Variants in PTHLH observed in about 807,000 individuals in gnomAD.
PTHLH encodes the protein parathyroid hormone like hormone, also known as parathyroid hormone-related protein.
Under a neutral mutation model 18.6 loss-of-function variants are expected in PTHLH, and 5 were observed. That is an observed-to-expected ratio of 0.27 (90% confidence interval 0.14 to 0.56). The LOEUF (loss-of-function observed/expected upper bound fraction) is 0.56. PTHLH is among the 20% of genes least tolerant of loss of function. The probability of loss-of-function intolerance (pLI) is 0.92; values close to 1 mark genes in which losing one functional copy is unlikely to be tolerated. For missense variants in PTHLH, 207 were observed against 223.9 expected, an observed-to-expected ratio of 0.92 and a Z score of 0.48; for synonymous variants, 90 against 94.0, an observed-to-expected ratio of 0.96 and a Z score of 0.25.
At position 27,972,711 on chromosome 12, in the gene PTHLH, T is replaced by C. The variant is rs1205342037; in HGVS notation, c.-547A>G. 1 of 152,218 alleles carries C rather than the reference T, an allele frequency of 6.6e-6. No homozygotes were observed. The highest frequency in any genetic ancestry group is 1.5e-5 in the Non-Finnish European group (1 of 68,030). The allele number at this position is 152,218 out of a possible 1,614,324, so 9.4% of individuals were successfully genotyped here. ...AGGCAATTATTAGAAAGCAGGTACC[T>C]CTTCCAAGCTGCCCTGTTTATTACT... On this transcript the variant is annotated 5_prime_UTR_variant, in exon 1 of 6. Transcript: ENST00000545234.
Position 27,969,506 on chromosome 12 carries a change from G to C in PTHLH, c.-12C>G. On this transcript the variant is annotated 5_prime_UTR_variant, in exon 4 of 6. Transcript: ENST00000545234. ...AGTCTCCGCTGCATCGTCTCCGCTC[G>C]CGCTCGGGACCTGCAACAGAAGGGA... The C allele has an allele frequency of 6.4e-7, 1 of 1,561,618 alleles. No homozygotes were observed. Among genetic ancestry groups the C allele is most frequent in the Non-Finnish European group, 8.7e-7 (1 of 1,155,380 alleles).
chr12:27,971,875 A>G (rs1162804860), intron 2 of PTHLH, 52 bp downstream of exon 2: 1 of 152,100 alleles, frequency 6.6e-6, no homozygotes, highest in Non-Finnish European at 1.5e-5. Flanking sequence ...TAAATGTTAG[A>G]CTTGTTTGGA....
chr12:27,963,290 G>C (rs372961067), intron 5 of PTHLH, 58 bp downstream of exon 5: 2 of 1,613,440 alleles, frequency 1.2e-6, no homozygotes, highest in Admixed American at 1.7e-5. Context: ...CAGAAGGGAG[G>C]CTCCAAAACC....
chr12:27,966,669 T>C (rs558128897), intron 4 of PTHLH, among the ~76,000 whole-genome samples: 1 of 152,254 alleles, frequency 6.6e-6, no homozygotes, highest in Admixed American at 6.5e-5. Flanking sequence ...AGCTCCAAAA[T>C]GGAAAAACAG....
intron 5 of PTHLH, chr12:27,961,578 T>C: frequency 5.6e-6 from 1 of 180,114 alleles, no homozygotes; most frequent in Non-Finnish European, 1.2e-5. Flanking sequence ...ACATTAGTTA[T>C]AAATATATAC....
intron 4 of PTHLH, chr12:27,968,978 G>A (rs931892703): frequency 6.1e-6 from 1 of 164,482 alleles, no homozygotes; most frequent in African/African-American, 2.4e-5. Flanking sequence ...CACGCAAACC[G>A]CCACCCACAT....
At chr12:27,959,956 A>G (rs892028195) in intron 5 of PTHLH, among the ~76,000 whole-genome samples, 2 of 152,228 alleles carry the variant, frequency 1.3e-5, no homozygotes, top group Non-Finnish European at 2.9e-5. Context: ...TAAGAATAAC[A>G]CAAAGAGGGA....
Position 27,968,598 on chromosome 12 carries a change from G to A in PTHLH, c.101+796C>T, listed in dbSNP as rs377693592. On this transcript the variant is annotated intron_variant, in intron 4 of 5. Transcript: ENST00000545234. ...CACTCTTCCAAGTTTTCAGTCACAC[G>A]ACATAGTGATATTTCTCTGGTGTGC... Among the ~76,000 whole-genome samples the A allele has an allele frequency of 1.6e-4, 24 of 152,252 alleles. 1 individual carries two copies. The East Asian group carries it at 4.1e-3, about 26-fold the overall frequency.
At chr12:27,958,876 G>A (rs1328394718) in intron 5 of PTHLH, among the ~76,000 whole-genome samples, 1 of 152,256 alleles carries the variant, frequency 6.6e-6, no homozygotes, top group Non-Finnish European at 1.5e-5. Flanking sequence ...CTGCCAGCTG[G>A]CAAGTTTGGG....
intron 4 of PTHLH, among the ~76,000 whole-genome samples, chr12:27,967,049 A>G (rs907782760): frequency 3.9e-5 from 6 of 152,166 alleles, no homozygotes; most frequent in Non-Finnish European, 8.8e-5. Context: ...AACCCAAATG[A>G]CTCAGTAGAA....
At chr12:27,962,688 G>A (rs929933939) in intron 5 of PTHLH, 282 of 984,328 alleles carry the variant, frequency 2.9e-4, no homozygotes, top group South Asian at 7.1e-4. Flanking sequence ...ATCCTTGTAA[G>A]TTAATACTTA....
intron 5 of PTHLH, among the ~76,000 whole-genome samples, chr12:27,961,276 C>CATATATATACTTATATATATATATACGT (rs2062750590): frequency 3.8e-5 from 2 of 52,750 alleles, no homozygotes; most frequent in South Asian, 6.6e-4. Context: ...TTTTATAACT[C>CATATATATACTTATATATATATATACGT]ATATATATAC....
intron 5 of PTHLH, among the ~76,000 whole-genome samples, chr12:27,961,511 G>A (rs966080524): frequency 1.3e-5 from 2 of 150,310 alleles, no homozygotes; most frequent in African/African-American, 4.9e-5. Flanking sequence ...TATATGACAT[G>A]TTTATATATA....
intron 4 of PTHLH, among the ~76,000 whole-genome samples, chr12:27,964,245 TCTCTCTCTCTCTCTCTCTCTCTC>T (rs1191084449): frequency 5.6e-4 from 33 of 59,356 alleles, no homozygotes; most frequent in South Asian, 1.4e-3. Context: ...TCTCTCTCTC[TCTCTCTCTCTCTCTCTCTCTCTC>T]CTCTCTCTCT....
chr12:27,971,508 T>G (rs1254414979), intron 2 of PTHLH, among the ~76,000 whole-genome samples: 1 of 152,076 alleles, frequency 6.6e-6, no homozygotes, highest in Admixed American at 6.5e-5. Context: ...ATTCTTGAGA[T>G]GATTCAAGGA....
At chr12:27,964,093 G>A (rs1388723388) in intron 4 of PTHLH, among the ~76,000 whole-genome samples, 1 of 152,120 alleles carries the variant, frequency 6.6e-6, no homozygotes, top group Non-Finnish European at 1.5e-5. Flanking sequence ...TTCCTTCCCG[G>A]TTTAAAACAT....
intron 5 of PTHLH, chr12:27,962,472 T>G: frequency 1.1e-6 from 1 of 893,414 alleles, no homozygotes; most frequent in Non-Finnish European, 1.3e-6. Flanking sequence ...TAACTTGCCC[T>G]AGGTTGTGAA....
At chr12:27,962,049 G>T in intron 5 of PTHLH, 1 of 623,488 alleles carries the variant, frequency 1.6e-6, no homozygotes, top group Middle Eastern at 2.5e-4. Context: ...CATCGATAAA[G>T]AAGCAGGGCA....
intron 5 of PTHLH, chr12:27,963,000 G>A (rs2062774613): frequency 1.7e-6 from 2 of 1,194,106 alleles, no homozygotes; most frequent in Middle Eastern, 3.6e-4. Flanking sequence ...GAGAGTAAGG[G>A]GAAGAAACAC....
Sources: allele counts gnomAD v4.1 joint callset (sites outside exome capture counted in the v4.1 genomes callset), GRCh38; gene constraint gnomAD v4.1.1; transcripts MANE v1.5; gene names NCBI Gene and HGNC (gene_info 2026-07-23, HGNC 2026-07-21).